The following COL25A1 variants were observed in gnomAD, a reference collection of about 807,000 sequenced individuals.
COL25A1 encodes collagen alpha-1(XXV) chain.
A neutral mutation model predicts 128.4 loss-of-function variants in COL25A1; 103 were observed. The ratio of observed to expected loss-of-function variants is 0.80; its 90% CI spans 0.68 to 0.94. The LOEUF is 0.94. Ranked by LOEUF, COL25A1 falls within the 40% of genes least tolerant of loss-of-function variation. The pLI is 0.00. For missense variants in COL25A1, 745 were observed against 840.0 expected, an observed-to-expected ratio of 0.89 and a Z score of 1.40; for synonymous variants, 279 against 277.2, an observed-to-expected ratio of 1.01 and a Z score of -0.06.
chr4:109,140,919 C>CT (rs1197650730), intron 3 of COL25A1, among the ~76,000 whole-genome samples: 3 of 152,124 alleles, frequency 2.0e-5, no homozygotes, highest in Non-Finnish European at 4.4e-5. Flanking sequence ...TGTGAATACC[C>CT]TTTATTTCTT....
At chr4:109,046,185 T>C (rs1334467333) in intron 5 of COL25A1, among the ~76,000 whole-genome samples, 2 of 152,146 alleles carry the variant, frequency 1.3e-5, no homozygotes, top group Non-Finnish European at 2.9e-5. Flanking sequence ...CATCAGAGGG[T>C]TGGTGTGAGA....
At chr4:108,887,714 T>C (rs1046615217) in intron 18 of COL25A1, among the ~76,000 whole-genome samples, 4 of 152,196 alleles carry the variant, frequency 2.6e-5, no homozygotes, top group African/African-American at 9.6e-5. Context: ...TTATAAGTAA[T>C]CATTATGATA....
In COL25A1 at chr4:108,845,188, CAGA is replaced by C. The variant is rs756681139; in HGVS notation, c.1576_1578del (p.Ser526del). The C allele has an allele frequency of 6.2e-7, 1 of 1,613,334 alleles. No homozygotes were observed. Among genetic ancestry groups the C allele is most frequent in the Non-Finnish European group, 8.5e-7 (1 of 1,179,254 alleles). On this transcript the variant is annotated inframe_deletion and splice_region_variant, in exon 29 of 38. Transcript: ENST00000399132. Reference sequence around the variant, plus strand: ...TGGAAGTTCAGCCACCATGGACTTACAGAAGGACCCTGTGGACCCGGCATTCCA... The same window carrying C: ...TGGAAGTTCAGCCACCATGGACTTACAGGACCCTGTGGACCCGGCATTCCA...
chr4:109,262,262 C>G (rs965146667), intron 3 of COL25A1, among the ~76,000 whole-genome samples: 9 of 152,042 alleles, frequency 5.9e-5, no homozygotes, highest in Non-Finnish European at 1.3e-4. Context: ...ACCTGTAATC[C>G]CAGCACTTTG....
chr4:108,884,085 T>G, intron 19 of COL25A1, 93 bp downstream of exon 19: 1 of 1,281,942 alleles, frequency 7.8e-7, no homozygotes, highest in East Asian at 2.3e-5. Context: ...CAGCATTCTA[T>G]TTTTAGTTTC....
chr4:109,109,655 C>T (rs560685608), intron 3 of COL25A1, among the ~76,000 whole-genome samples: 2 of 152,200 alleles, frequency 1.3e-5, no homozygotes, highest in East Asian at 1.9e-4. Flanking sequence ...TCACCAGGTG[C>T]TCTGTGCCTG....
intron 3 of COL25A1, among the ~76,000 whole-genome samples, chr4:109,189,539 C>T (rs1465975742): frequency 8.1e-6 from 1 of 122,728 alleles, no homozygotes; most frequent in Non-Finnish European, 1.6e-5. Context: ...CAGAGAGAGA[C>T]TCCATCTCAA....
intron 3 of COL25A1, among the ~76,000 whole-genome samples, chr4:109,242,963 G>C (rs6857867): frequency 0.058 from 8,888 of 152,058 alleles, 444 homozygotes; most frequent in East Asian, 0.23. Flanking sequence ...TAAATACAAT[G>C]TTAGTAACTA....
chr4:109,044,639 G>A (rs968631434), intron 5 of COL25A1, among the ~76,000 whole-genome samples: 17 of 152,102 alleles, frequency 1.1e-4, no homozygotes, highest in African/African-American at 3.9e-4. Context: ...CCAGAAGGAA[G>A]TTTGAGAAAT....
At chr4:109,293,407 A>C (rs531774644) in intron 3 of COL25A1, among the ~76,000 whole-genome samples, 40 of 152,140 alleles carry the variant, frequency 2.6e-4, no homozygotes, top group Middle Eastern at 6.8e-3. Context: ...ACAAGGGAAA[A>C]AATAGACTTT....
intron 3 of COL25A1, among the ~76,000 whole-genome samples, chr4:109,206,195 C>A (rs1402637809): frequency 6.6e-6 from 1 of 152,070 alleles, no homozygotes; most frequent in Non-Finnish European, 1.5e-5. Context: ...ACACCTTACC[C>A]ATAATAAATA....
At chr4:108,979,812 T>C (rs1752787641) in intron 6 of COL25A1, among the ~76,000 whole-genome samples, 1 of 152,150 alleles carries the variant, frequency 6.6e-6, no homozygotes, top group Non-Finnish European at 1.5e-5. Flanking sequence ...AGGAGGGACA[T>C]GTAAATATAA....
chr4:109,070,687 T>A (rs1204217828), intron 3 of COL25A1, among the ~76,000 whole-genome samples: 2 of 74,396 alleles, frequency 2.7e-5, no homozygotes, highest in African/African-American at 5.6e-5. Flanking sequence ...CCCTCCCCCC[T>A]CCCCCCACCC....
At chr4:109,051,813 G>C (rs1181864173) in intron 3 of COL25A1, among the ~76,000 whole-genome samples, 3 of 152,078 alleles carry the variant, frequency 2.0e-5, no homozygotes, top group African/African-American at 7.2e-5. Context: ...TGACAGACGA[G>C]AATTTTCCAA....
chr4:108,955,937 G>A (rs190357692), intron 8 of COL25A1, among the ~76,000 whole-genome samples: 1 of 152,164 alleles, frequency 6.6e-6, no homozygotes, highest in African/African-American at 2.4e-5. Context: ...AAATATAAAT[G>A]TGTTTTAGCC....
At chr4:108,969,953 G>A (rs1390054708) in intron 8 of COL25A1, among the ~76,000 whole-genome samples, 1 of 150,950 alleles carries the variant, frequency 6.6e-6, no homozygotes, top group Non-Finnish European at 1.5e-5. Flanking sequence ...CCAGGCTGGA[G>A]TGCAATCATG....
chr4:109,197,342 T>A (rs543403436), intron 3 of COL25A1, among the ~76,000 whole-genome samples: 16 of 130,834 alleles, frequency 1.2e-4, no homozygotes, highest in African/African-American at 4.1e-4. Flanking sequence ...ATATATATAT[T>A]ATATATATAT....
intron 3 of COL25A1, among the ~76,000 whole-genome samples, chr4:109,124,483 T>C (rs1768400654): frequency 6.6e-6 from 1 of 151,998 alleles, no homozygotes; most frequent in Non-Finnish European, 1.5e-5. Flanking sequence ...ATTTTTCTAG[T>C]CTAACTACAA....
At chr4:108,854,545 G>A (rs1036015379) in intron 24 of COL25A1, among the ~76,000 whole-genome samples, 7 of 152,024 alleles carry the variant, frequency 4.6e-5, no homozygotes, top group African/African-American at 1.4e-4. Flanking sequence ...TTGAAAAGTG[G>A]GCAAAGGATA....
Sources: gnomAD v4.1 joint callset for allele counts (sites outside exome capture counted in the v4.1 genomes callset) on GRCh38, gnomAD v4.1.1 for gene constraint, MANE v1.5 for transcripts, NCBI Gene and HGNC (gene_info 2026-07-23, HGNC 2026-07-21) for gene names.